Variants in PADI4 observed in about 807,000 individuals in gnomAD.
The protein encoded by PADI4 is protein-arginine deiminase type-4.
PADI4 carries 62 observed loss-of-function variants against 75.0 expected under a neutral mutation model. That is an observed-to-expected ratio of 0.83 (90% CI 0.67 to 1.02). The LOEUF (loss-of-function observed/expected upper bound fraction) is 1.02, where lower values mean the gene tolerates loss of function less well. Among genes scored for constraint, PADI4 ranks in the 50% least tolerant of loss-of-function variants. PADI4 has a pLI of 0.00. For missense variants in PADI4, 845 were observed against 850.5 expected, an observed-to-expected ratio of 0.99 and a Z score of 0.08; for synonymous variants, 361 against 348.1, an observed-to-expected ratio of 1.04 and a Z score of -0.41.
At chr1:17,311,879 T>C (rs551546999) in intron 1 of PADI4, among the ~76,000 whole-genome samples, 2 of 152,244 alleles carry the variant, frequency 1.3e-5, no homozygotes, top group South Asian at 4.1e-4. Context: ...TGGACAAGTC[T>C]GTTTGTCTCT....
At position 17,363,687 on chromosome 1, in the gene PADI4, GAGGTGC is replaced by G; in HGVS notation, c.1926_1931del (p.Glu642_His644delinsAsp). The G allele has an allele frequency of 4.3e-6, 7 of 1,614,178 alleles. No homozygotes were observed. Among genetic ancestry groups the G allele is most frequent in the Non-Finnish European group, 5.9e-6 (7 of 1,179,980 alleles). On this transcript the variant is annotated inframe_deletion, in exon 16 of 16. Coordinates refer to ENST00000375448, the MANE Select transcript of PADI4 (RefSeq NM_012387.3). ...CTTCACCTACCACATCAGGCATGGG[GAGGTGC>G]ACTGCGGCACCAACGTGCGCAGAAA...
chr1:17,352,870 C>T (rs79194243), intron 10 of PADI4, among the ~76,000 whole-genome samples: 35 of 152,076 alleles, frequency 2.3e-4, no homozygotes, highest in African/African-American at 7.2e-4. Context: ...TGAGGGTTGT[C>T]GGCTCGGGAA....
chr1:17,348,637 T>A (rs2074562261), intron 10 of PADI4: 1 of 152,332 alleles, frequency 6.6e-6, no homozygotes, highest in Admixed American at 6.5e-5. Flanking sequence ...ATGAGTTGTG[T>A]GTTAGCCAGT....
In PADI4 at chr1:17,358,296, G is replaced by A. The variant is rs1209595697; in HGVS notation, c.1559-542G>A. Among the ~76,000 whole-genome samples, 2 of 11,226 alleles carry A rather than the reference G, an allele frequency of 1.8e-4. 1 individual carries two copies. Among genetic ancestry groups the A allele is most frequent in the South Asian group, 3.4e-3 (2 of 586 alleles). The allele number at this position is 11,226 out of a possible 152,430, so 7.4% of individuals were successfully genotyped here. On this transcript the variant is annotated intron_variant, in intron 13 of 15. Coordinates refer to ENST00000375448, the MANE Select transcript of PADI4 (RefSeq NM_012387.3). ...TAAAAATATATTTTAGGCCGGGCGC[G>A]GTGGCTCACGCCTGTAATCCCAGCA...
intron 10 of PADI4, 58 bp downstream of exon 10, chr1:17,348,106 CCCT>C: frequency 8.9e-7 from 1 of 1,122,644 alleles, no homozygotes; most frequent in African/African-American, 1.5e-5. Context: ...TCTTGAGACT[CCCT>C]CCTTTTAGCC....
intron 10 of PADI4, among the ~76,000 whole-genome samples, chr1:17,349,155 G>A (rs1748015): frequency 0.92 from 140,483 of 152,262 alleles, 65,011 homozygotes; most frequent in South Asian, 0.97. Flanking sequence ...TTTCAGCAGC[G>A]TTGGGGCGAA....
In PADI4 at chr1:17,356,118, C is replaced by G. The variant is rs534647612; in HGVS notation, c.1446C>G (p.Pro482=). 104 of 1,614,138 alleles carry G rather than the reference C, an allele frequency of 6.4e-5. No individual in the cohort carries two copies. The South Asian group carries it at 1.1e-3, about 17-fold the overall frequency. ...AGTTCCTGAGCTTTGTGCCAGCACCCGACAGGAAGGTACAGTCTTGGGGGC... is the reference window on the plus strand; with the variant it reads ...AGTTCCTGAGCTTTGTGCCAGCACCGGACAGGAAGGTACAGTCTTGGGGGC... ...VDEFLSFVPA[P]DRKGFRLLLA... is the part of the protein sequence containing the mutation. Residue 482 remains proline, a synonymous_variant, in exon 12 of 16, where the codon CCC becomes CCG. Transcript: ENST00000375448. This position sits in a 1 kb window ranked among gnomAD's most constrained non-coding sequence, Gnocchi z 4.1.
rs771727041 is a variant in PADI4, at chr1:17,356,140, G to A, written c.1455+13G>A. The stretch of plus-strand genomic sequence containing the variant: ...ACCCGACAGGAAGGTACAGTCTTGG[G>A]GGCTGCCTCAGGAAGCCATGCCTCC... On this transcript the variant is annotated intron_variant, in intron 12 of 15. Coordinates refer to ENST00000375448, the MANE Select transcript of PADI4 (RefSeq NM_012387.3). The surrounding 1 kb of genome is among the most constrained non-coding windows in gnomAD (Gnocchi z 4.1). 4 of 1,612,866 alleles carry A rather than the reference G, an allele frequency of 2.5e-6. No homozygotes were observed. The highest frequency in any genetic ancestry group is 1.7e-4 in the Middle Eastern group (1 of 6,050).
At chr1:17,334,894 C>T (rs553522973) in intron 3 of PADI4, 3 of 254,668 alleles carry the variant, frequency 1.2e-5, no homozygotes, top group South Asian at 7.4e-5. Context: ...GCAATCCCAG[C>T]GCTTTGGAAG....
In PADI4 at chr1:17,354,885, G is replaced by A. The variant is rs895617019; in HGVS notation, c.1310+198G>A. Among the ~76,000 whole-genome samples the A allele has an allele frequency of 1.3e-4, 20 of 152,064 alleles. 1 individual carries two copies. Among genetic ancestry groups the A allele is most frequent in the Admixed American group, 1.2e-3 (18 of 15,270 alleles). On this transcript the variant is annotated intron_variant, in intron 11 of 15. Transcript: ENST00000375448. ...TAGACCCAAGTTCAATTCCAGCCCTGCCACTTACCCTCTTTCAGTCAGTGA... is the reference window on the plus strand; with the variant it reads ...TAGACCCAAGTTCAATTCCAGCCCTACCACTTACCCTCTTTCAGTCAGTGA...
intron 1 of PADI4, among the ~76,000 whole-genome samples, chr1:17,314,611 TC>T (rs1443740524): frequency 3.3e-5 from 5 of 152,178 alleles, no homozygotes; most frequent in Non-Finnish European, 5.9e-5. Context: ...TCGACGTGAT[TC>T]CCATTTTACA....
At chr1:17,344,387 T>C (rs1353706864) in intron 8 of PADI4, among the ~76,000 whole-genome samples, 6 of 152,204 alleles carry the variant, frequency 3.9e-5, no homozygotes, top group Non-Finnish European at 7.3e-5. Context: ...AAAGAAAATC[T>C]CATTTTCTGA....
chr1:17,322,863 T>C (rs10888018), intron 1 of PADI4, among the ~76,000 whole-genome samples: 52,987 of 151,516 alleles, frequency 0.35, 9,424 homozygotes, highest in South Asian at 0.42. Context: ...CTCCCACTTC[T>C]TCTTTCTTCT....
At position 17,317,417 on chromosome 1, in the gene PADI4, C is replaced by T. The variant is rs544748893; in HGVS notation, c.92+9103C>T. 2.1e-3 allele frequency among the ~76,000 whole-genome samples: 312 copies of T among 152,082 alleles called. 1 individual carries two copies. Among genetic ancestry groups the T allele is most frequent in the Admixed American group, 3.4e-3 (52 of 15,284 alleles). ...CTGAGTAGCTGGGATTACAGACACCCACCACCACACCTGGCTAATTTTTTT... is the reference window on the plus strand; with the variant it reads ...CTGAGTAGCTGGGATTACAGACACCTACCACCACACCTGGCTAATTTTTTT... On this transcript the variant is annotated intron_variant, in intron 1 of 15. Coordinates refer to ENST00000375448, the MANE Select transcript of PADI4 (RefSeq NM_012387.3).
At position 17,363,824 on chromosome 1, in the gene PADI4, A is replaced by G; in HGVS notation, c.*69A>G. The G allele has an allele frequency of 8.8e-7, 1 of 1,134,518 alleles. No homozygotes were observed. The highest frequency in any genetic ancestry group is 1.3e-6 in the Non-Finnish European group (1 of 762,712). The allele number at this position is 1,134,518 out of a possible 1,614,324, so 70.3% of individuals were successfully genotyped here. On this transcript the variant is annotated 3_prime_UTR_variant, in exon 16 of 16. Transcript: ENST00000375448. ...TGGGTCCTCTGCAGTGTGGCAAGCA[A>G]GAGCTCTTGTGAATATTGTGGCTCC...
chr1:17,333,396 C>T (rs1363955075), intron 2 of PADI4, among the ~76,000 whole-genome samples: 13 of 152,040 alleles, frequency 8.6e-5, no homozygotes, highest in Admixed American at 8.5e-4. Flanking sequence ...ATGCTCCACC[C>T]TCCTCTGGCC....
chr1:17,357,703 C>T (rs111953891), intron 13 of PADI4, among the ~76,000 whole-genome samples: 2,016 of 151,870 alleles, frequency 0.013, 25 homozygotes, highest in Middle Eastern at 0.037. Context: ...GAGGACGAGG[C>T]GGGTGGATCA....
chr1:17,343,760 C>T (rs190578685), intron 8 of PADI4, among the ~76,000 whole-genome samples: 16 of 152,252 alleles, frequency 1.1e-4, no homozygotes, highest in African/African-American at 2.2e-4. Flanking sequence ...CTCTTGCCGC[C>T]GCCATGTAAG....
chr1:17,343,100 T>G (rs1570056934), intron 8 of PADI4, among the ~76,000 whole-genome samples: 1 of 152,240 alleles, frequency 6.6e-6, no homozygotes, highest in East Asian at 1.9e-4. Context: ...GGCAGGAGAA[T>G]CACTTGAACC....
Sources: allele counts gnomAD v4.1 joint callset (sites outside exome capture counted in the v4.1 genomes callset), GRCh38; gene constraint gnomAD v4.1.1; non-coding constraint Gnocchi (gnomAD v3.1); transcripts MANE v1.5; gene names NCBI Gene and HGNC (gene_info 2026-07-23, HGNC 2026-07-21).